Variants in DDX54 observed in about 807,000 individuals in gnomAD.
The protein encoded by DDX54 is DEAD-box helicase 54.
A neutral mutation model predicts 105.5 loss-of-function variants in DDX54; 67 were observed. That is an observed-to-expected ratio of 0.64 (90% CI 0.52 to 0.78). DDX54 has a LOEUF of 0.78. Among genes scored for constraint, DDX54 ranks in the 30% least tolerant of loss-of-function variants. The pLI is 0.00. For synonymous variants in DDX54, 514 were observed against 509.9 expected, an observed-to-expected ratio of 1.01 and a Z score of -0.11; for missense variants, 1,206 against 1,230.5, an observed-to-expected ratio of 0.98 and a Z score of 0.30.
At chr12:113,161,832 GA>G in intron 18 of DDX54, 60 bp downstream of exon 18, 1 of 732,920 alleles carries the variant, frequency 1.4e-6, no homozygotes, top group East Asian at 4.5e-5. Flanking sequence ...CCACTTAATT[GA>G]AGCTGCTCCT....
intron 12 of DDX54, among the ~76,000 whole-genome samples, chr12:113,167,664 G>A (rs2136317798): frequency 6.6e-6 from 1 of 152,358 alleles, no homozygotes; most frequent in Admixed American, 6.5e-5. Context: ...AGATTAAGCA[G>A]GTGCTGGGCC....
rs747882413 is a variant in DDX54, at chr12:113,162,948, G to GCC, written c.2178_2179insGG (p.Arg727GlyfsTer105). 8 of 1,602,110 alleles carry GCC rather than the reference G, an allele frequency of 5.0e-6. No homozygotes were observed. The highest frequency in any genetic ancestry group is 1.3e-5 in the African/African-American group (1 of 74,938). ...ATCACTCACCACTTGAGCTGCTGCC[G>GCC]GCCCCTCGTCAGGTTCTGGGCTTCA... On this transcript the variant is annotated frameshift_variant, in exon 17 of 20. Coordinates refer to ENST00000306014, the MANE Select transcript of DDX54 (RefSeq NM_024072.4). LOFTEE classifies it high-confidence loss of function.
In DDX54 at chr12:113,172,506, C is replaced by A; in HGVS notation, c.1126G>T (p.Ala376Ser). 6.2e-7 allele frequency: 1 copy of A among 1,614,246 alleles called. No individual in the cohort carries two copies. Among genetic ancestry groups the A allele is most frequent in the Non-Finnish European group, 8.5e-7 (1 of 1,180,044 alleles). ...AHIYSALDPT[A>S]RKINLAKFTL... ...AATTTGGCGAGATTGATCTTGCGGGCTGTCGGGTCTAGGGCACTGTAGATG... is the reference window on the plus strand; with the variant it reads ...AATTTGGCGAGATTGATCTTGCGGGATGTCGGGTCTAGGGCACTGTAGATG... Residue 376 changes from alanine to serine, a missense_variant, in exon 11 of 20, where the codon GCC (alanine) becomes TCC (serine). Physicochemically the swap from Ala to Ser is moderately conservative, Grantham distance 99. This residue lies in a region of DDX54 where 961 missense variants were observed against 1,019.1 expected (regional missense o/e 0.94). Transcript: ENST00000306014.
At chr12:113,169,489 C>G (rs1372585424) in intron 12 of DDX54, among the ~76,000 whole-genome samples, 2 of 151,528 alleles carry the variant, frequency 1.3e-5, no homozygotes, top group African/African-American at 2.4e-5. Flanking sequence ...GGCGTGGTGG[C>G]GGGCATCTAT....
In DDX54 at chr12:113,165,979, C is replaced by T. The variant is rs370831421; in HGVS notation, c.1468G>A (p.Glu490Lys). ...GTGCTCTGCAGACCACTGTCCTCCT[C>T]GTCCACCACACTCTGTGGCACCCGA... ...LGRVPQSVVD[E>K]EDSGLQSTLE... is the part of the protein sequence containing the mutation. The change falls in exon 13 of 20, where the codon GAG (glutamate) becomes AAG (lysine). Residue 490 changes from glutamate to lysine, a missense_variant. This residue lies in a region of DDX54 where 961 missense variants were observed against 1,019.1 expected (regional missense o/e 0.94). Transcript: ENST00000306014. 8.7e-6 allele frequency: 14 copies of T among 1,612,612 alleles called. No homozygotes were observed. The highest frequency in any genetic ancestry group is 1.3e-5 in the African/African-American group (1 of 74,938).
chr12:113,176,024 C>T (rs1952398388), intron 7 of DDX54, among the ~76,000 whole-genome samples: 1 of 151,884 alleles, frequency 6.6e-6, no homozygotes, highest in Admixed American at 6.6e-5. Flanking sequence ...CCCACAACCC[C>T]CTCCCCAACT....
At position 113,174,826 on chromosome 12, in the gene DDX54, A is replaced by C. The variant is rs531896462; in HGVS notation, c.936+49T>G. On this transcript the variant is annotated intron_variant, in intron 9 of 19. Coordinates refer to ENST00000306014, the MANE Select transcript of DDX54 (RefSeq NM_024072.4). The stretch of plus-strand genomic sequence containing the variant: ...TACGGGGTCCTGGCCCAGGGCCTGC[A>C]GGGCCCACCTGGACACAACCTCCTG... The C allele has an allele frequency of 1.9e-5, 31 of 1,613,920 alleles. No homozygotes were observed. In the East Asian group the frequency reaches 5.8e-4, roughly 30 times the overall value.
At position 113,172,122 on chromosome 12, in the gene DDX54, G is replaced by GT. The variant is rs907414703; in HGVS notation, c.1279+230dup. Among the ~76,000 whole-genome samples, 331 of 141,154 alleles carry GT rather than the reference G, an allele frequency of 2.3e-3. 1 individual carries two copies. The highest frequency in any genetic ancestry group is 3.9e-3 in the African/African-American group (153 of 38,764). 92.6% of individuals were successfully genotyped at this position (141,154 alleles called of 152,430 possible). A position where few individuals can be genotyped will look rare whatever the true frequency, so the allele number is the denominator to read the frequency against. ...AAACCATAAGCTGAATAATTGGGTT[G>GT]TTTTTTTTTTTTGGTTTTTTTGAGA... On this transcript the variant is annotated intron_variant, in intron 11 of 19. Coordinates refer to ENST00000306014, the MANE Select transcript of DDX54 (RefSeq NM_024072.4).
rs117140067 is a variant in DDX54, at chr12:113,177,432, T to A, written c.615-339A>T. 9.7e-3 allele frequency: 2,629 copies of A among 269,708 alleles called. 23 individuals carry two copies. The highest frequency in any genetic ancestry group is 0.015 in the Non-Finnish European group (2,115 of 141,478). The allele number at this position is 269,708 out of a possible 1,614,324, so 16.7% of individuals were successfully genotyped here. On this transcript the variant is annotated intron_variant, in intron 5 of 19. Transcript: ENST00000306014. ...TAACCCCAGAACTACCAGCCCCAACTAGAACCCAGGTTCCATGGATCTCTA... is the reference window on the plus strand; with the variant it reads ...TAACCCCAGAACTACCAGCCCCAACAAGAACCCAGGTTCCATGGATCTCTA...
chr12:113,165,979 C>G lies in DDX54; in HGVS notation c.1468G>C (p.Glu490Gln). ...GTGCTCTGCAGACCACTGTCCTCCT[C>G]GTCCACCACACTCTGTGGCACCCGA... is the stretch of plus-strand genomic sequence containing the variant. ...LGRVPQSVVDEEDSGLQSTLE... is the reference protein window; with the variant it reads ...LGRVPQSVVDQEDSGLQSTLE... Residue 490 changes from glutamate to glutamine, a missense_variant, in exon 13 of 20, where the codon GAG (glutamate) becomes CAG (glutamine). By Grantham distance (29) the Glu-to-Gln change is conservative (BLOSUM62 2). Transcript: ENST00000306014. The G allele has an allele frequency of 6.2e-7, 1 of 1,612,730 alleles. No individual in the cohort carries two copies.
chr12:113,182,942 C>G (rs529216082), intron 1 of DDX54, among the ~76,000 whole-genome samples: 1 of 151,268 alleles, frequency 6.6e-6, no homozygotes, highest in Non-Finnish European at 1.5e-5. Flanking sequence ...GGGGCAATCA[C>G]GGCTCACCTA....
chr12:113,177,386 A>T (rs532781645), intron 5 of DDX54: 2 of 360,432 alleles, frequency 5.5e-6, no homozygotes, highest in East Asian at 9.5e-5. Context: ...GCTGCCTTCC[A>T]CCCACAGTGC....
intron 18 of DDX54, 154 bp from the exon 19 acceptor site, chr12:113,161,536 C>A: frequency 1.6e-6 from 1 of 628,476 alleles, no homozygotes; most frequent in Non-Finnish European, 2.8e-6. Flanking sequence ...ATTGGAGATG[C>A]TGTTGCTGAA....
chr12:113,170,025 G>C, intron 11 of DDX54, 121 bp from the exon 12 acceptor site: 3 of 1,365,932 alleles, frequency 2.2e-6, no homozygotes, highest in Non-Finnish European at 3.0e-6. Flanking sequence ...CACGGCTGCT[G>C]TCCCCACCTA....
chr12:113,184,189 G>A (rs979833909), intron 1 of DDX54, among the ~76,000 whole-genome samples: 2 of 151,942 alleles, frequency 1.3e-5, no homozygotes, highest in African/African-American at 4.8e-5. Context: ...CAGGTGATCC[G>A]CCTGCCTCAG....
intron 17 of DDX54, 146 bp from the exon 18 acceptor site, chr12:113,162,143 T>C: frequency 4.2e-6 from 3 of 716,150 alleles, no homozygotes; most frequent in Admixed American, 2.2e-5. Flanking sequence ...TGGCATGCAG[T>C]TGGCGCTCAA....
At chr12:113,185,163 C>T (rs1952514063) in intron 1 of DDX54, 115 bp downstream of exon 1, 2 of 1,303,930 alleles carry the variant, frequency 1.5e-6, no homozygotes, top group East Asian at 6.1e-5. Context: ...GGGTCGGCAG[C>T]CTCCCTCCCC....
At chr12:113,169,573 A>G (rs1393422825) in intron 12 of DDX54, among the ~76,000 whole-genome samples, 197 bp downstream of exon 12, 1 of 152,156 alleles carries the variant, frequency 6.6e-6, no homozygotes, top group Admixed American at 6.5e-5. Flanking sequence ...GTGAGCCAAG[A>G]TCACACCACT....
intron 12 of DDX54, among the ~76,000 whole-genome samples, chr12:113,169,267 G>A (rs76177443): frequency 6.6e-6 from 1 of 152,076 alleles, no homozygotes; most frequent in Non-Finnish European, 1.5e-5. Flanking sequence ...AAGTTGCAGC[G>A]AGCCATGATC....
Sources: gnomAD v4.1 joint callset for allele counts (sites outside exome capture counted in the v4.1 genomes callset) on GRCh38, gnomAD v4.1.1 for gene constraint, gnomAD v4.1.1 regional missense constraint, MANE v1.5 for transcripts, NCBI Gene and HGNC (gene_info 2026-07-23, HGNC 2026-07-21) for gene names.